Variants in ZDHHC2 observed in about 807,000 individuals in gnomAD.
ZDHHC2 encodes zDHHC palmitoyltransferase 2.
Under a neutral mutation model 55.6 loss-of-function variants are expected in ZDHHC2, and 51 were observed. That is an observed-to-expected ratio of 0.92 (90% confidence interval 0.73 to 1.16). The LOEUF is 1.16. Ranked by LOEUF, ZDHHC2 falls within the 50% of genes most tolerant of loss-of-function variation. The probability of loss-of-function intolerance (pLI) is 0.00; values close to 1 mark genes in which losing one functional copy is unlikely to be tolerated. For synonymous variants in ZDHHC2, 199 were observed against 152.9 expected (o/e 1.30, Z -2.22); for missense variants, 491 against 442.4 (o/e 1.11, Z -0.99).
chr8:17,189,665 G>A (rs1287535445), intron 3 of ZDHHC2, among the ~76,000 whole-genome samples: 1 of 152,308 alleles, frequency 6.6e-6, no homozygotes, highest in East Asian at 1.9e-4. Flanking sequence ...TTAATTAAGG[G>A]TTGGGAGAGT....
chr8:17,189,538 G>A (rs1257677310), intron 3 of ZDHHC2, among the ~76,000 whole-genome samples: 2 of 152,234 alleles, frequency 1.3e-5, no homozygotes, highest in Non-Finnish European at 2.9e-5. Context: ...TAGGGAAGAA[G>A]TTATTCATAC....
In ZDHHC2 at chr8:17,210,147, C is replaced by T. The variant is rs573418896; in HGVS notation, c.857+89C>T. 5 of 1,394,592 alleles carry T rather than the reference C, an allele frequency of 3.6e-6. No homozygotes were observed. In the African/African-American group the frequency reaches 5.8e-5, roughly 16 times the overall value. 86.4% of individuals were successfully genotyped at this position (1,394,592 alleles called of 1,614,324 possible). A position where few individuals can be genotyped will look rare whatever the true frequency, so the allele number is the denominator to read the frequency against. ...CAGGAAAAGCCTCTAGTTCCATAGG[C>T]TTGTAATTCTGTGTAGGAACTCTTA... On this transcript the variant is annotated intron_variant, in intron 9 of 12. Transcript: ENST00000262096.
intron 1 of ZDHHC2, among the ~76,000 whole-genome samples, chr8:17,169,742 T>C (rs1804764300): frequency 6.6e-6 from 1 of 152,136 alleles, no homozygotes; most frequent in South Asian, 2.1e-4. Flanking sequence ...CATAAATCCA[T>C]ACATAAAATG....
At chr8:17,201,478 TCTC>T (rs1435774734) in intron 6 of ZDHHC2, among the ~76,000 whole-genome samples, 9 of 102,084 alleles carry the variant, frequency 8.8e-5, no homozygotes, top group Non-Finnish European at 1.5e-4. Flanking sequence ...TCTCTCTCTC[TCTC>T]TTTTTTTTTT....
chr8:17,169,700 A>G (rs1473081610), intron 1 of ZDHHC2, among the ~76,000 whole-genome samples: 1 of 152,212 alleles, frequency 6.6e-6, no homozygotes, highest in Non-Finnish European at 1.5e-5. Flanking sequence ...CCAAAGATCC[A>G]GAGTAAGTGA....
At chr8:17,198,499 C>G in intron 6 of ZDHHC2, 86 bp downstream of exon 6, 5 of 1,258,184 alleles carry the variant, frequency 4.0e-6, no homozygotes, top group Non-Finnish European at 5.4e-6. Context: ...TCTTTTCACA[C>G]ATGAAATATT....
Position 17,199,572 on chromosome 8 carries a change from T to TC in ZDHHC2, c.476+1159_476+1160insC, listed in dbSNP as rs1286212288. Among the ~76,000 whole-genome samples, 597 of 76,380 alleles carry TC rather than the reference T, an allele frequency of 7.8e-3. 23 individuals carry two copies. Among genetic ancestry groups the TC allele is most frequent in the Admixed American group, 0.026 (182 of 6,932 alleles). 50.1% of individuals were successfully genotyped at this position (76,380 alleles called of 152,430 possible). On this transcript the variant is annotated intron_variant, in intron 6 of 12. Transcript: ENST00000262096. ...GTCTTCGTCTTCGTCTTCTTCGTCTTTGTCTTCTTCTTCTTCTTTCTTCTT... is the reference window on the plus strand; with the variant it reads ...GTCTTCGTCTTCGTCTTCTTCGTCTTCTGTCTTCTTCTTCTTCTTTCTTCTT...
chr8:17,160,993 T>G lies in ZDHHC2; in HGVS notation c.130+4140T>G, dbSNP rs565834017. On this transcript the variant is annotated intron_variant, in intron 1 of 12. Coordinates refer to ENST00000262096, the MANE Select transcript of ZDHHC2 (RefSeq NM_016353.5). ...TTGCTGTCTTTATTACTAAACATCC[T>G]TCAGCAGTGATTGCAGCCTGTTATA... Among the ~76,000 whole-genome samples the G allele has an allele frequency of 2.6e-5, 4 of 152,376 alleles. No individual in the cohort carries two copies. The East Asian group carries it at 7.7e-4, about 29-fold the overall frequency.
At chr8:17,171,425 C>G (rs964013360) in intron 1 of ZDHHC2, among the ~76,000 whole-genome samples, 2 of 152,148 alleles carry the variant, frequency 1.3e-5, no homozygotes, top group South Asian at 2.1e-4. Context: ...TTAGTGCAGT[C>G]AGTGATTCAG....
chr8:17,170,012 G>C (rs1405135195), intron 1 of ZDHHC2, among the ~76,000 whole-genome samples: 1 of 152,210 alleles, frequency 6.6e-6, no homozygotes, highest in Non-Finnish European at 1.5e-5. Context: ...GACAATGTCA[G>C]ATTTATTTTG....
intron 6 of ZDHHC2, among the ~76,000 whole-genome samples, chr8:17,203,697 C>T (rs1316802206): frequency 6.6e-6 from 1 of 152,154 alleles, no homozygotes; most frequent in African/African-American, 2.4e-5. Flanking sequence ...ATTCAAACAC[C>T]ATAAAAGGCA....
intron 10 of ZDHHC2, among the ~76,000 whole-genome samples, chr8:17,212,796 A>G (rs1332140207): frequency 3.3e-5 from 5 of 152,000 alleles, no homozygotes; most frequent in African/African-American, 1.2e-4. Flanking sequence ...CCAGACAGTC[A>G]TTCTTTTTTT....
Position 17,219,811 on chromosome 8 carries a change from C to A in ZDHHC2, c.*35-445C>A, listed in dbSNP as rs1175193836. The stretch of plus-strand genomic sequence containing the variant: ...CAAAACAAAACAAAACAAAGCTGTG[C>A]TTCTATGCACATGAAGTTTCAAAAT... On this transcript the variant is annotated intron_variant, in intron 12 of 12. Coordinates refer to ENST00000262096, the MANE Select transcript of ZDHHC2 (RefSeq NM_016353.5). 1.4e-4 allele frequency among the ~76,000 whole-genome samples: 21 copies of A among 152,202 alleles called. No homozygotes were observed. The South Asian group carries it at 4.3e-3, about 32-fold the overall frequency.
chr8:17,190,691 T>C (rs1805978001), intron 3 of ZDHHC2, among the ~76,000 whole-genome samples: 1 of 152,098 alleles, frequency 6.6e-6, no homozygotes, highest in African/African-American at 2.4e-5. Flanking sequence ...GCACTTTACA[T>C]TCTGAATTTC....
At chr8:17,177,251 G>C (rs532869659) in intron 1 of ZDHHC2, among the ~76,000 whole-genome samples, 2 of 152,198 alleles carry the variant, frequency 1.3e-5, no homozygotes, top group Non-Finnish European at 2.9e-5. Context: ...GCAGTGGAAT[G>C]CTGGGGAATT....
intron 1 of ZDHHC2, among the ~76,000 whole-genome samples, chr8:17,164,507 A>T (rs188735112): frequency 8.5e-5 from 13 of 152,318 alleles, no homozygotes; most frequent in East Asian, 3.9e-4. Flanking sequence ...TCATACTTAA[A>T]TTAATTAGAC....
chr8:17,206,503 AC>A (rs1807107821), intron 7 of ZDHHC2, among the ~76,000 whole-genome samples: 1 of 152,190 alleles, frequency 6.6e-6, no homozygotes, highest in African/African-American at 2.4e-5. Context: ...AAAAATAAGT[AC>A]TGCAAATAAC....
At chr8:17,184,866 A>T in intron 2 of ZDHHC2, 51 bp downstream of exon 2, 1 of 1,445,768 alleles carries the variant, frequency 6.9e-7, no homozygotes, top group Non-Finnish European at 9.3e-7. Context: ...TTTGAAAAAA[A>T]ATTGTATTCA....
intron 3 of ZDHHC2, among the ~76,000 whole-genome samples, chr8:17,187,275 C>G (rs1377034906): frequency 6.6e-6 from 1 of 152,180 alleles, no homozygotes; most frequent in Non-Finnish European, 1.5e-5. Flanking sequence ...CTGGATCATG[C>G]ATCCTGGTTA....
Sources: allele counts gnomAD v4.1 joint callset (sites outside exome capture counted in the v4.1 genomes callset), GRCh38; gene constraint gnomAD v4.1.1; transcripts MANE v1.5; gene names NCBI Gene and HGNC (gene_info 2026-07-23, HGNC 2026-07-21).